The following ASIC5 variants were observed in gnomAD, a reference collection of about 807,000 sequenced individuals.
ASIC5 encodes the protein acid sensing ion channel subunit family member 5, also known as bile acid-sensitive ion channel.
In ASIC5, 52 loss-of-function variants were observed where a neutral mutation model predicts 51.2. The observed-to-expected ratio is 1.02, with a 90% CI of 0.81 to 1.28. The LOEUF (loss-of-function observed/expected upper bound fraction) is 1.28, where lower values mean the gene tolerates loss of function less well. Ranked by LOEUF, ASIC5 falls within the 50% of genes most tolerant of loss-of-function variation. The pLI is 0.00. For missense variants in ASIC5, 635 were observed against 595.0 expected, an observed-to-expected ratio of 1.07 and a Z score of -0.70; for synonymous variants, 231 against 200.7, an observed-to-expected ratio of 1.15 and a Z score of -1.28.
intron 8 of ASIC5, among the ~76,000 whole-genome samples, chr4:155,833,518 G>A (rs191808745): frequency 2.0e-5 from 3 of 152,238 alleles, no homozygotes; most frequent in Admixed American, 2.0e-4. Context: ...AATGTACTAT[G>A]TTTAAGTAGA....
chr4:155,865,756 A>G (rs1011053654), intron 1 of ASIC5, among the ~76,000 whole-genome samples: 2 of 152,108 alleles, frequency 1.3e-5, no homozygotes, highest in African/African-American at 2.4e-5. Flanking sequence ...ATGGCCCACT[A>G]GTTTGCAAAG....
chr4:155,864,223 A>G (rs1170883833), intron 1 of ASIC5, among the ~76,000 whole-genome samples: 1 of 152,188 alleles, frequency 6.6e-6, no homozygotes, highest in Non-Finnish European at 1.5e-5. Context: ...GGTATAATTT[A>G]TGGTAAATGT....
chr4:155,841,642 G>A (rs890954544), intron 6 of ASIC5, among the ~76,000 whole-genome samples: 4 of 152,142 alleles, frequency 2.6e-5, no homozygotes, highest in East Asian at 1.9e-4. Context: ...CTTTTCAACA[G>A]TGAAATCTTC....
At chr4:155,836,592 T>C (rs553050538) in intron 8 of ASIC5, 97 bp downstream of exon 8, 16 of 739,988 alleles carry the variant, frequency 2.2e-5, no homozygotes, top group Middle Eastern at 8.1e-4. Context: ...CCTCCCTTGA[T>C]TGATTAGAAT....
chr4:155,841,639 A>G (rs1397802188), intron 6 of ASIC5, among the ~76,000 whole-genome samples: 1 of 152,186 alleles, frequency 6.6e-6, no homozygotes, highest in Non-Finnish European at 1.5e-5. Context: ...TAACTTTTCA[A>G]CAGTGAAATC....
intron 4 of ASIC5, among the ~76,000 whole-genome samples, chr4:155,844,880 C>A (rs1741203460): frequency 6.6e-6 from 1 of 151,976 alleles, no homozygotes; most frequent in Non-Finnish European, 1.5e-5. Flanking sequence ...TGTTAGGAGC[C>A]AACCCCTGCT....
At chr4:155,832,057 TAGC>T in intron 8 of ASIC5, 142 bp from the exon 9 acceptor site, 1 of 506,676 alleles carries the variant, frequency 2.0e-6, no homozygotes, top group South Asian at 3.5e-5. Context: ...TAATCACAAT[TAGC>T]AGGATGTAGA....
chr4:155,831,922 A>G lies in ASIC5; in HGVS notation c.1236-7T>C. Reference sequence around the variant, plus strand: ...AATTTTTACAAGATTCTCCCTAGGGATAAAAAAGAGAGTTAATATAGCTTA... The same window carrying G: ...AATTTTTACAAGATTCTCCCTAGGGGTAAAAAAGAGAGTTAATATAGCTTA... On this transcript the variant is annotated splice_polypyrimidine_tract_variant and splice_region_variant and intron_variant, in intron 8 of 9. Coordinates refer to ENST00000537611, the MANE Select transcript of ASIC5 (RefSeq NM_017419.3). The G allele has an allele frequency of 7.0e-7, 1 of 1,435,606 alleles. No homozygotes were observed. The highest frequency in any genetic ancestry group is 9.8e-7 in the Non-Finnish European group (1 of 1,024,318). The allele number at this position is 1,435,606 out of a possible 1,614,324, so 88.9% of individuals were successfully genotyped here. A position where few individuals can be genotyped will look rare whatever the true frequency, so the allele number is the denominator to read the frequency against.
At chr4:155,860,954 T>C (rs1741687442) in intron 2 of ASIC5, among the ~76,000 whole-genome samples, 1 of 151,944 alleles carries the variant, frequency 6.6e-6, no homozygotes, top group Admixed American at 6.6e-5. Context: ...TGTTGTGTCT[T>C]CATTTTCATT....
intron 8 of ASIC5, among the ~76,000 whole-genome samples, chr4:155,835,427 A>G (rs1219475092): frequency 1.8e-4 from 25 of 141,232 alleles, no homozygotes; most frequent in South Asian, 4.5e-4. Flanking sequence ...AAAAAAAAAA[A>G]GAAAAAAAAA....
intron 1 of ASIC5, among the ~76,000 whole-genome samples, chr4:155,865,608 A>G (rs1741842257): frequency 6.6e-6 from 1 of 152,140 alleles, no homozygotes. Context: ...AGCCCATTTA[A>G]TATACATCTA....
At chr4:155,849,954 C>A (rs1429840623) in intron 4 of ASIC5, among the ~76,000 whole-genome samples, 2 of 151,922 alleles carry the variant, frequency 1.3e-5, no homozygotes, top group African/African-American at 2.4e-5. Context: ...CCCTTCCTCC[C>A]ACTATTTTCT....
chr4:155,866,102 T>A, intron 1 of ASIC5, 85 bp downstream of exon 1: 1 of 819,680 alleles, frequency 1.2e-6, no homozygotes, highest in Non-Finnish European at 1.9e-6. Context: ...ATTTCCCAAA[T>A]GAAGAAAAAA....
rs761872496 is a variant in ASIC5 at position 155,866,218 on chromosome 4, C to T, written c.9G>A (p.Gln3=). ME[Q]TEKSKVYAEN... ...CAGCATATACTTTTGATTTTTCTGT[C>T]TGCTCCATTTGTGATTTCAGTTAAG... Residue 3 remains glutamine (Q), a synonymous_variant, in exon 1 of 10, where the codon CAG becomes CAA. Transcript: ENST00000537611. 6.2e-7 allele frequency: 1 copy of T among 1,608,470 alleles called. No homozygotes were observed. The highest frequency in any genetic ancestry group is 8.5e-7 in the Non-Finnish European group (1 of 1,175,886).
At chr4:155,838,730 A>G in intron 7 of ASIC5, 83 bp downstream of exon 7, 1 of 793,370 alleles carries the variant, frequency 1.3e-6, no homozygotes, top group East Asian at 2.6e-5. Flanking sequence ...TTTCTGGGCT[A>G]TCCATAGTTT....
At chr4:155,836,878 G>T in intron 7 of ASIC5, 21 bp from the exon 8 acceptor site, 1 of 1,541,512 alleles carries the variant, frequency 6.5e-7, no homozygotes, top group Non-Finnish European at 8.8e-7. Flanking sequence ...AATCAGGACA[G>T]GGAATTCAGA....
chr4:155,851,561 A>G (rs1210498724), intron 4 of ASIC5, among the ~76,000 whole-genome samples: 2 of 151,994 alleles, frequency 1.3e-5, no homozygotes, highest in Non-Finnish European at 2.9e-5. Context: ...AGTTATTTAA[A>G]CAAAAGGTCA....
chr4:155,858,136 A>G (rs1162824887), intron 2 of ASIC5, among the ~76,000 whole-genome samples: 1 of 152,122 alleles, frequency 6.6e-6, no homozygotes. Context: ...TGTTATAAAG[A>G]TATTTTAGTG....
At chr4:155,834,996 A>G (rs1030292603) in intron 8 of ASIC5, among the ~76,000 whole-genome samples, 4 of 152,044 alleles carry the variant, frequency 2.6e-5, no homozygotes, top group Non-Finnish European at 5.9e-5. Flanking sequence ...CTCCTGATCC[A>G]TCTCACTGAG....
Sources: gnomAD v4.1 joint callset for allele counts (sites outside exome capture counted in the v4.1 genomes callset) on GRCh38, gnomAD v4.1.1 for gene constraint, MANE v1.5 for transcripts, NCBI Gene and HGNC (gene_info 2026-07-23, HGNC 2026-07-21) for gene names.